The following MCPH1 variants were observed in gnomAD, a reference collection of about 807,000 sequenced individuals.
The protein encoded by MCPH1 is microcephalin.
Under a neutral mutation model 84.5 loss-of-function variants are expected in MCPH1, and 104 were observed. The ratio of observed to expected loss-of-function variants is 1.23; its 90% confidence interval spans 1.05 to 1.45. The LOEUF (loss-of-function observed/expected upper bound fraction) is 1.45. Ranked by LOEUF, MCPH1 falls within the 40% of genes most tolerant of loss-of-function variation. MCPH1 has a pLI of 0.00. For synonymous variants in MCPH1, 514 were observed against 366.8 expected (o/e 1.40, Z -4.58); for missense variants, 1,498 against 1,005.7 (o/e 1.49, Z -6.62).
chr8:6,496,563 C>G (rs971766103), intron 11 of MCPH1, among the ~76,000 whole-genome samples: 13 of 145,836 alleles, frequency 8.9e-5, no homozygotes, highest in African/African-American at 3.3e-4. Context: ...CAGTTACATT[C>G]CCACAGGTAT....
chr8:6,468,140 G>A lies in MCPH1; in HGVS notation c.1936-9454G>A, dbSNP rs544342321. Reference sequence around the variant, plus strand: ...CACCACCAAGGATCCAGAGCTCAGAGGCAGTCTTTCCTGTGCAGATAAGAG... The same window carrying A: ...CACCACCAAGGATCCAGAGCTCAGAAGCAGTCTTTCCTGTGCAGATAAGAG... On this transcript the variant is annotated intron_variant, in intron 9 of 13. Transcript: ENST00000344683. Among the ~76,000 whole-genome samples the A allele has an allele frequency of 5.9e-5, 9 of 152,274 alleles. No individual in the cohort carries two copies. In the East Asian group the frequency reaches 1.7e-3, roughly 29 times the overall value.
At chr8:6,474,363 A>T in intron 9 of MCPH1, 3 of 394,122 alleles carry the variant, frequency 7.6e-6, no homozygotes, top group Non-Finnish European at 9.4e-6. Context: ...AGTCAGAACA[A>T]AGTGACACTT....
At chr8:6,474,165 C>CT (rs1808132573) in intron 9 of MCPH1, 4 of 745,060 alleles carry the variant, frequency 5.4e-6, no homozygotes, top group Non-Finnish European at 1.0e-5. Flanking sequence ...ATTTGGTTAT[C>CT]TAACTCATCA....
chr8:6,418,525 ATTC>A (rs1462033060), intron 3 of MCPH1, among the ~76,000 whole-genome samples: 5 of 151,970 alleles, frequency 3.3e-5, no homozygotes, highest in Non-Finnish European at 7.4e-5. Context: ...TGCCAGTCTA[ATTC>A]TTCTTCCCTT....
intron 12 of MCPH1, among the ~76,000 whole-genome samples, chr8:6,581,478 T>G (rs1162166069): frequency 6.6e-6 from 1 of 152,224 alleles, no homozygotes; most frequent in East Asian, 1.9e-4. Context: ...ATAAAAGCAA[T>G]CATTCTGTTA....
chr8:6,526,236 A>G (rs1326546724), intron 12 of MCPH1, among the ~76,000 whole-genome samples: 1 of 141,622 alleles, frequency 7.1e-6, no homozygotes, highest in Non-Finnish European at 1.5e-5. Context: ...CCTGGGCAAT[A>G]TGGCAAAACC....
intron 9 of MCPH1, among the ~76,000 whole-genome samples, chr8:6,458,890 C>A (rs1805979721): frequency 6.6e-6 from 1 of 152,168 alleles, no homozygotes; most frequent in African/African-American, 2.4e-5. Context: ...AAGTGATCTG[C>A]CTTCCTTGGC....
At chr8:6,613,821 T>C (rs1373501032) in intron 12 of MCPH1, among the ~76,000 whole-genome samples, 1 of 151,940 alleles carries the variant, frequency 6.6e-6, no homozygotes, top group African/African-American at 2.4e-5. Context: ...ACAGGACGCT[T>C]TGAGGTGGCA....
Position 6,444,551 on chromosome 8 carries a change from T to A in MCPH1, c.829T>A (p.Ser277Thr). 2.5e-6 allele frequency: 4 copies of A among 1,614,204 alleles called. No homozygotes were observed. The highest frequency in any genetic ancestry group is 3.4e-6 in the Non-Finnish European group (4 of 1,180,012). ...LVLKANNIHSSPSFTHLDKSS... is the reference protein window; with the variant it reads ...LVLKANNIHSTPSFTHLDKSS... Reference sequence around the variant, plus strand: ...ATTGAAAGCAAATAATATTCATTCATCACCATCTTTCACTCACCTCGATAA... The same window carrying A: ...ATTGAAAGCAAATAATATTCATTCAACACCATCTTTCACTCACCTCGATAA... Residue 277 changes from serine to threonine, a missense_variant, in exon 8 of 14, where the codon TCA becomes ACA. By Grantham distance (58) the Ser-to-Thr change is moderately conservative (BLOSUM62 1). Coordinates refer to ENST00000344683, the MANE Select transcript of MCPH1 (RefSeq NM_024596.5).
chr8:6,570,731 C>T (rs1039153210), intron 12 of MCPH1, among the ~76,000 whole-genome samples: 20 of 150,964 alleles, frequency 1.3e-4, no homozygotes, highest in Non-Finnish European at 2.9e-5. Context: ...GTTCCAAGTA[C>T]TCATTCATTC....
chr8:6,415,007 C>T, intron 3 of MCPH1, 124 bp downstream of exon 3: 1 of 938,474 alleles, frequency 1.1e-6, no homozygotes, highest in Non-Finnish European at 1.6e-6. Context: ...CCTCTTACCT[C>T]ACCTAGTAAT....
chr8:6,596,948 C>G (rs891869774), intron 12 of MCPH1, among the ~76,000 whole-genome samples: 3 of 152,096 alleles, frequency 2.0e-5, no homozygotes, highest in Admixed American at 2.0e-4. Context: ...GAGTTAGCAA[C>G]CAGTTGCTTC....
chr8:6,444,313 G>T (rs913093169), intron 7 of MCPH1, 80 bp from the exon 8 acceptor site: 56 of 1,538,644 alleles, frequency 3.6e-5, no homozygotes, highest in Admixed American at 5.2e-5. Flanking sequence ...TTTAAAAGTT[G>T]TTTTATTGGT....
chr8:6,444,916 G>T lies in MCPH1; in HGVS notation c.1194G>T (p.Ala398=), dbSNP rs752207792. 2 of 1,613,996 alleles carry T rather than the reference G, an allele frequency of 1.2e-6. No individual in the cohort carries two copies. The highest frequency in any genetic ancestry group is 1.7e-6 in the Non-Finnish European group (2 of 1,179,996). Residue 398 remains alanine, a synonymous_variant, in exon 8 of 14, where the codon GCG becomes GCT. Transcript: ENST00000344683. ...CGGAAGACAGGCTGCAGCACGTGGC[G>T]GGACCTGCCCTGGAGGCTCTTAGCT... is the stretch of plus-strand genomic sequence containing the variant. The part of the protein sequence containing the change: ...CRSEDRLQHV[A]GPALEALSCG...
chr8:6,476,105 A>C (rs1808415406), intron 9 of MCPH1, among the ~76,000 whole-genome samples: 1 of 152,154 alleles, frequency 6.6e-6, no homozygotes, highest in Non-Finnish European at 1.5e-5. Flanking sequence ...CAGACATACA[A>C]ACAGACATAG....
chr8:6,592,312 C>T (rs370729865), intron 12 of MCPH1, among the ~76,000 whole-genome samples: 8 of 151,530 alleles, frequency 5.3e-5, no homozygotes, highest in Middle Eastern at 3.4e-3. Context: ...CCACCACACC[C>T]GGCTAATTAT....
At chr8:6,421,714 T>G (rs1416496085) in intron 3 of MCPH1, among the ~76,000 whole-genome samples, 1 of 152,194 alleles carries the variant, frequency 6.6e-6, no homozygotes, top group Non-Finnish European at 1.5e-5. Context: ...GGCAGAGACC[T>G]TACGGCCCAC....
rs1036517114 is a variant in MCPH1, at chr8:6,645,486, A to G, written c.*2437A>G. ...CACCACTGTTATTCAACGTTGCATT[A>G]AAGTTTCTACCCAGAGAAGGCAATA... On this transcript the variant is annotated 3_prime_UTR_variant, in exon 14 of 14. Transcript: ENST00000344683. The G allele has an allele frequency of 1.3e-5, 2 of 152,072 alleles. No individual in the cohort carries two copies. The highest frequency in any genetic ancestry group is 2.9e-5 in the Non-Finnish European group (2 of 68,032). 9.4% of individuals were successfully genotyped at this position (152,072 alleles called of 1,614,324 possible).
intron 3 of MCPH1, among the ~76,000 whole-genome samples, chr8:6,427,815 C>G (rs1433751018): frequency 6.9e-6 from 1 of 145,216 alleles, no homozygotes; most frequent in Non-Finnish European, 1.5e-5. Context: ...TTTTTTGAAA[C>G]GGAGTGTCGC....
Sources: gnomAD v4.1 joint callset for allele counts (sites outside exome capture counted in the v4.1 genomes callset) on GRCh38, gnomAD v4.1.1 for gene constraint, MANE v1.5 for transcripts, NCBI Gene and HGNC (gene_info 2026-07-23, HGNC 2026-07-21) for gene names.